Variants in TLCD4 observed in about 807,000 individuals in gnomAD.
TLCD4 encodes the protein TLC domain-containing protein 4.
In TLCD4, 7 loss-of-function variants were observed where a neutral mutation model predicts 24.2. The ratio of observed to expected loss-of-function variants is 0.29; its 90% CI spans 0.16 to 0.54. TLCD4 has a LOEUF of 0.54. Ranked by LOEUF, TLCD4 falls within the 20% of genes least tolerant of loss-of-function variation. The pLI is 0.95. For missense variants in TLCD4, 259 were observed against 313.9 expected (o/e 0.82, Z 1.32); for synonymous variants, 103 against 106.4 (o/e 0.97, Z 0.20).
intron 1 of TLCD4, among the ~76,000 whole-genome samples, chr1:95,133,404 A>G (rs112100369): frequency 0.018 from 2,767 of 152,136 alleles, 84 homozygotes; most frequent in African/African-American, 0.064. Context: ...AAGAGCCAAT[A>G]GAAAGAGCCA....
Position 95,191,949 on chromosome 1 carries a change from C to A in TLCD4, c.*81C>A. The stretch of plus-strand genomic sequence containing the variant: ...TGAATTCTTGGCATGTTCTTGTGTA[C>A]CTTTCTTAATTATAATTGTTATTCA... On this transcript the variant is annotated 3_prime_UTR_variant, in exon 7 of 7. Coordinates refer to ENST00000370203, the MANE Select transcript of TLCD4 (RefSeq NM_152487.3). 6.7e-7 allele frequency: 1 copy of A among 1,499,572 alleles called. No homozygotes were observed. The highest frequency in any genetic ancestry group is 1.4e-5 in the African/African-American group (1 of 70,686). 92.9% of individuals were successfully genotyped at this position (1,499,572 alleles called of 1,614,324 possible).
chr1:95,109,266 A>G, the TLCD4 span, among the ~76,000 whole-genome samples: 1 of 152,036 alleles, frequency 6.6e-6, no homozygotes, highest in Non-Finnish European at 1.5e-5. Context: ...GGTTGATGCT[A>G]CAGGGAGGGA....
chr1:95,110,961 C>T, the TLCD4 span, among the ~76,000 whole-genome samples: 1 of 149,948 alleles, frequency 6.7e-6, no homozygotes, highest in South Asian at 2.1e-4. Flanking sequence ...CTAAAAATAT[C>T]CATAACATTT....
intron 1 of TLCD4, among the ~76,000 whole-genome samples, chr1:95,120,591 C>T (rs977870523): frequency 7.2e-5 from 11 of 152,148 alleles, no homozygotes; most frequent in African/African-American, 1.7e-4. Context: ...AAACAGCCAA[C>T]GAAGAAGACA....
At chr1:95,114,731 G>A (rs937273208), upstream of TLCD4, among the ~76,000 whole-genome samples, 9 of 151,890 alleles carry the variant, frequency 5.9e-5, no homozygotes, top group Non-Finnish European at 1.3e-4. Context: ...TCGGGAGGCT[G>A]AAGCACGAGA....
chr1:95,181,896 G>A (rs989787476), intron 6 of TLCD4, among the ~76,000 whole-genome samples: 1 of 152,160 alleles, frequency 6.6e-6, no homozygotes, highest in Non-Finnish European at 1.5e-5. Flanking sequence ...TGGGATTACA[G>A]GTGTGAGCCA....
intron 5 of TLCD4, among the ~76,000 whole-genome samples, chr1:95,165,880 A>AT: frequency 6.6e-6 from 1 of 152,166 alleles, no homozygotes. Flanking sequence ...TGTTTGTTTT[A>AT]TTTTTGTTTT....
the TLCD4 span, among the ~76,000 whole-genome samples, chr1:95,099,500 T>C: frequency 6.6e-6 from 1 of 152,204 alleles, no homozygotes; most frequent in Admixed American, 6.5e-5. Flanking sequence ...ATATCACATG[T>C]AGTTATTTGT....
the TLCD4 span, among the ~76,000 whole-genome samples, chr1:95,106,439 G>T: frequency 6.6e-6 from 1 of 152,102 alleles, no homozygotes; most frequent in African/African-American, 2.4e-5. Flanking sequence ...GGTGGCTCAC[G>T]CCTGTAATCC....
chr1:95,092,571 G>A, the TLCD4 span, among the ~76,000 whole-genome samples: 5 of 152,286 alleles, frequency 3.3e-5, no homozygotes, highest in East Asian at 9.6e-4. Context: ...TCACTCTTTA[G>A]GTCTACACTG....
upstream of TLCD4, among the ~76,000 whole-genome samples, chr1:95,113,008 A>AT (rs2100889087): frequency 6.6e-6 from 1 of 151,072 alleles, no homozygotes; most frequent in East Asian, 1.9e-4. Context: ...GAGCCACTGC[A>AT]TCCAACCTTA....
chr1:95,173,480 A>G (rs926314552), intron 5 of TLCD4, among the ~76,000 whole-genome samples: 23 of 152,156 alleles, frequency 1.5e-4, no homozygotes, highest in African/African-American at 5.5e-4. Context: ...ATTCTTTTCT[A>G]CAGTAATTTG....
the TLCD4 span, among the ~76,000 whole-genome samples, chr1:95,096,332 C>G: frequency 6.6e-6 from 1 of 152,134 alleles, no homozygotes; most frequent in Non-Finnish European, 1.5e-5. Flanking sequence ...TGTTTTCCGG[C>G]CTTAGGTGTA....
In TLCD4 at chr1:95,166,388, A is replaced by G. The variant is rs568293344; in HGVS notation, c.400-7428A>G. Among the ~76,000 whole-genome samples the G allele has an allele frequency of 3.9e-5, 6 of 152,360 alleles. No homozygotes were observed. In the South Asian group the frequency reaches 1.0e-3, roughly 26 times the overall value. The stretch of plus-strand genomic sequence containing the variant: ...GTGAGATGAAAAGCTGACAAAAACC[A>G]TAGGATCAATAAAACAGTTTAGTTT... On this transcript the variant is annotated intron_variant, in intron 5 of 6. Transcript: ENST00000370203.
intron 4 of TLCD4, 117 bp downstream of exon 4, chr1:95,150,383 G>A: frequency 1.5e-6 from 2 of 1,341,572 alleles, no homozygotes; most frequent in Non-Finnish European, 2.0e-6. Flanking sequence ...GAAGCATACA[G>A]AGGAAAAAAA....
At chr1:95,163,947 G>A (rs570149786) in intron 5 of TLCD4, 1 of 152,444 alleles carries the variant, frequency 6.6e-6, no homozygotes, top group South Asian at 2.1e-4. Context: ...CTACTCAGGG[G>A]TCAGGGGTCC....
At chr1:95,151,199 G>A in intron 4 of TLCD4, 126 bp from the exon 5 acceptor site, 1 of 905,616 alleles carries the variant, frequency 1.1e-6, no homozygotes, top group Non-Finnish European at 1.7e-6. Flanking sequence ...CTAACTGAGG[G>A]ATGAACAAAG....
At chr1:95,156,558 C>T (rs1381624840) in intron 5 of TLCD4, among the ~76,000 whole-genome samples, 1 of 151,828 alleles carries the variant, frequency 6.6e-6, no homozygotes, top group Non-Finnish European at 1.5e-5. Context: ...TGATGATATG[C>T]AGAAAAAAAT....
At chr1:95,097,294 T>C in the TLCD4 span, among the ~76,000 whole-genome samples, 1 of 152,356 alleles carries the variant, frequency 6.6e-6, no homozygotes, top group African/African-American at 2.4e-5. Context: ...ACACTACTGA[T>C]TCCAAATTAA....
Sources: allele counts gnomAD v4.1 joint callset (sites outside exome capture counted in the v4.1 genomes callset), GRCh38; gene constraint gnomAD v4.1.1; transcripts MANE v1.5; gene names NCBI Gene and HGNC (gene_info 2026-07-23, HGNC 2026-07-21).